Variants in KRABD5 observed in about 807,000 individuals in gnomAD.
KRABD5 encodes the protein KRAB domain containing 5, also known as KRAB domain-containing protein 5.
the KRABD5 span, among the ~76,000 whole-genome samples, chr16:31,716,997 G>GTTTTTTTTTTTTTTTTTTTTTT: frequency 1.2e-5 from 1 of 81,164 alleles, no homozygotes. Context: ...GTCAGTCTTT[G>GTTTTTTTTTTTTTTTTTTTTTT]TTTTTTTTTT....
At chr16:31,750,841 C>T in the KRABD5 span, among the ~76,000 whole-genome samples, 1 of 152,044 alleles carries the variant, frequency 6.6e-6, no homozygotes, top group African/African-American at 2.4e-5. Context: ...CTCACTGCAA[C>T]CTCCGCCTCC....
the KRABD5 span, among the ~76,000 whole-genome samples, chr16:31,732,948 T>G: frequency 6.6e-6 from 1 of 152,202 alleles, no homozygotes; most frequent in African/African-American, 2.4e-5. Flanking sequence ...ATGTATTTAT[T>G]ATTTTATGCA....
chr16:31,751,464 G>C, the KRABD5 span, among the ~76,000 whole-genome samples: 1 of 152,082 alleles, frequency 6.6e-6, no homozygotes, highest in Non-Finnish European at 1.5e-5. Flanking sequence ...ATCAGAACTT[G>C]ATACTGGTTT....
chr16:31,753,396 A>G, the KRABD5 span, among the ~76,000 whole-genome samples: 3 of 152,220 alleles, frequency 2.0e-5, no homozygotes, highest in Non-Finnish European at 4.4e-5. Flanking sequence ...GTCTTTAGAT[A>G]GCCCCAGAAT....
At chr16:31,754,224 G>T in the KRABD5 span, 2 of 663,022 alleles carry the variant, frequency 3.0e-6, no homozygotes, top group Non-Finnish European at 5.4e-6. Flanking sequence ...AAACGAGGAG[G>T]TGATTTCTAA....
the KRABD5 span, among the ~76,000 whole-genome samples, chr16:31,728,992 C>T: frequency 6.6e-6 from 1 of 152,150 alleles, no homozygotes; most frequent in Non-Finnish European, 1.5e-5. Flanking sequence ...ATTGCTCTAT[C>T]CTCTAGACAA....
the KRABD5 span, chr16:31,733,755 G>C: frequency 1.0e-5 from 4 of 388,176 alleles, no homozygotes; most frequent in East Asian, 2.2e-4. Flanking sequence ...GTAATGTTCT[G>C]TTGTGTATGT....
At chr16:31,729,393 T>G in the KRABD5 span, among the ~76,000 whole-genome samples, 1 of 152,280 alleles carries the variant, frequency 6.6e-6, no homozygotes. Context: ...GTGAAGACCT[T>G]TTTGCTGCAT....
At chr16:31,753,311 T>G in the KRABD5 span, among the ~76,000 whole-genome samples, 8 of 152,232 alleles carry the variant, frequency 5.3e-5, no homozygotes, top group Non-Finnish European at 1.0e-4. Flanking sequence ...ATGTTTGTTC[T>G]CAGTTGACCC....
At chr16:31,754,081 C>A in the KRABD5 span, 1 of 766,952 alleles carries the variant, frequency 1.3e-6, no homozygotes, top group Non-Finnish European at 2.3e-6. Context: ...TTGAAACTTA[C>A]CTTTTCTTTT....
the KRABD5 span, chr16:31,757,883 T>C: frequency 6.6e-6 from 1 of 151,764 alleles, no homozygotes; most frequent in Non-Finnish European, 1.5e-5. Context: ...GATAGATAGA[T>C]AGATAGATAG....
chr16:31,739,454 A>AT, the KRABD5 span, among the ~76,000 whole-genome samples: 905 of 143,798 alleles, frequency 6.3e-3, 9 homozygotes, highest in African/African-American at 0.017. Flanking sequence ...GCCAAGTCAC[A>AT]TTTTTTTTTT....
the KRABD5 span, chr16:31,755,131 T>A: frequency 2.0e-6 from 1 of 490,796 alleles, no homozygotes; most frequent in East Asian, 6.2e-5. Context: ...AGAAACCCTA[T>A]AAATGTAAGG....
the KRABD5 span, among the ~76,000 whole-genome samples, chr16:31,744,941 GT>G: frequency 6.6e-6 from 1 of 152,128 alleles, no homozygotes; most frequent in South Asian, 2.1e-4. Context: ...TCTGGTGGTA[GT>G]TTGTGTTTCT....
At chr16:31,733,205 G>A in the KRABD5 span, among the ~76,000 whole-genome samples, 1 of 151,854 alleles carries the variant, frequency 6.6e-6, no homozygotes, top group South Asian at 2.1e-4. Flanking sequence ...CTTTGTTCAT[G>A]ACTTATCTTG....
the KRABD5 span, among the ~76,000 whole-genome samples, chr16:31,730,248 G>T: frequency 3.3e-5 from 5 of 151,768 alleles, no homozygotes; most frequent in East Asian, 5.8e-4. Flanking sequence ...TGGTGGGGGG[G>T]TCTTGAAATG....
the KRABD5 span, chr16:31,755,417 A>T: frequency 2.0e-6 from 1 of 490,580 alleles, no homozygotes; most frequent in Non-Finnish European, 4.2e-6. Flanking sequence ...CTTTAACTGT[A>T]GTTCATCCCT....
At chr16:31,736,414 T>G in the KRABD5 span, among the ~76,000 whole-genome samples, 2 of 151,818 alleles carry the variant, frequency 1.3e-5, no homozygotes, top group South Asian at 2.1e-4. Context: ...ATTTAGTTTT[T>G]TTTTTTTTTT....
chr16:31,733,589 C>G, the KRABD5 span: 1 of 456,208 alleles, frequency 2.2e-6, no homozygotes, highest in African/African-American at 2.0e-5. Flanking sequence ...ACCATTCTGC[C>G]TAATGTTTCT....
Sources: allele counts gnomAD v4.1 joint callset (sites outside exome capture counted in the v4.1 genomes callset), GRCh38; gene constraint gnomAD v4.1.1; transcripts MANE v1.5; gene names NCBI Gene and HGNC (gene_info 2026-07-23, HGNC 2026-07-21).